DHX37: variants seen among roughly 807,000 people sequenced by gnomAD.
The protein encoded by DHX37 is probable ATP-dependent RNA helicase DHX37.
Under a neutral mutation model 134.3 loss-of-function variants are expected in DHX37, and 52 were observed. The observed-to-expected ratio is 0.39, with a 90% CI of 0.31 to 0.49. The LOEUF is 0.49. Ranked by LOEUF, DHX37 falls within the 20% of genes least tolerant of loss-of-function variation. The pLI, the probability that DHX37 is intolerant of heterozygous loss-of-function variation, is 0.93. For missense variants in DHX37, 1,344 were observed against 1,580.8 expected, an observed-to-expected ratio of 0.85 and a Z score of 2.54; for synonymous variants, 634 against 670.7, an observed-to-expected ratio of 0.95 and a Z score of 0.85.
intron 9 of DHX37, 61 bp downstream of exon 9, chr12:124,968,806 C>A: frequency 6.2e-7 from 1 of 1,605,550 alleles, no homozygotes; most frequent in Non-Finnish European, 8.5e-7. Context: ...TCAGGGGGCT[C>A]CCGACACCAG....
In DHX37 at chr12:124,989,128, G is replaced by T. The variant is rs1286762731; in HGVS notation, c.-106C>A. 5 of 685,182 alleles carry T rather than the reference G, an allele frequency of 7.3e-6. No homozygotes were observed. The highest frequency in any genetic ancestry group is 1.2e-4 in the South Asian group (2 of 17,152). The allele number at this position is 685,182 out of a possible 1,614,324, so 42.4% of individuals were successfully genotyped here. A position where few individuals can be genotyped will look rare whatever the true frequency, so the allele number is the denominator to read the frequency against. Reference sequence around the variant, plus strand: ...ACCAACTCCGGCCGTGAGACTTCCGGGTTGTGTTATCGCGAGAACTGTAAC... The same window carrying T: ...ACCAACTCCGGCCGTGAGACTTCCGTGTTGTGTTATCGCGAGAACTGTAAC... On this transcript the variant is annotated 5_prime_UTR_variant, in exon 1 of 27. Coordinates refer to ENST00000308736, the MANE Select transcript of DHX37 (RefSeq NM_032656.4).
At position 124,980,739 on chromosome 12, in the gene DHX37, C is replaced by CTCT. The variant is rs1954742905; in HGVS notation, c.488_489insAGA (p.Glu168dup). The CTCT allele has an allele frequency of 6.4e-7, 1 of 1,558,082 alleles. No homozygotes were observed. ...CCGATTCCGACTCCTCCTCCTCCTC[C>CTCT]TCCTCCTCCTCAGCTGAGGGCCAGC... On this transcript the variant is annotated inframe_insertion, in exon 4 of 27. Transcript: ENST00000308736. The surrounding 1 kb of genome is among the most constrained non-coding windows in gnomAD (Gnocchi z 5.3).
chr12:124,962,105 G>A (rs766886204), intron 15 of DHX37, among the ~76,000 whole-genome samples: 1 of 152,228 alleles, frequency 6.6e-6, no homozygotes, highest in Non-Finnish European at 1.5e-5. Context: ...CTACTTGGGA[G>A]GCTGAGGCAC....
chr12:124,959,448 C>T (rs893132884), intron 16 of DHX37, among the ~76,000 whole-genome samples: 24 of 151,888 alleles, frequency 1.6e-4, no homozygotes, highest in Non-Finnish European at 2.5e-4. Context: ...GTCTCAAATT[C>T]CTGACCTCAA....
Position 124,950,443 on chromosome 12 carries a change from G to A in DHX37, c.3091C>T (p.Arg1031Trp), listed in dbSNP as rs376946837. Residue 1031 changes from arginine (R) to tryptophan (W), a missense_variant, in exon 23 of 27, where the codon CGG (arginine) becomes TGG (tryptophan). By Grantham distance (101) the Arg-to-Trp change is moderately radical. Coordinates refer to ENST00000308736, the MANE Select transcript of DHX37 (RefSeq NM_032656.4). ...PAPTYCPERG[R>W]VLCHRASVFY... is the part of the protein sequence containing the mutation. ...ACGCTGGCCCGGTGACACAGCACCC[G>A]CCCCCGCTCGGGGCAGTATGTAGGG... 1.2e-5 allele frequency: 19 copies of A among 1,592,318 alleles called. No individual in the cohort carries two copies. Among genetic ancestry groups the A allele is most frequent in the African/African-American group, 2.7e-5 (2 of 74,444 alleles).
chr12:124,963,606 A>C (rs1342268509), intron 15 of DHX37, among the ~76,000 whole-genome samples: 1 of 151,950 alleles, frequency 6.6e-6, no homozygotes, highest in African/African-American at 2.4e-5. Context: ...ACGGTGGCTC[A>C]CGCCTGTGAT....
At chr12:124,988,798 C>T in intron 1 of DHX37, 119 bp downstream of exon 1, 1 of 495,450 alleles carries the variant, frequency 2.0e-6, no homozygotes, top group East Asian at 3.4e-5. Flanking sequence ...GGGACCCATT[C>T]CCCCATTCCA....
At position 124,956,776 on chromosome 12, in the gene DHX37, G is replaced by A. The variant is rs979891338; in HGVS notation, c.2368C>T (p.Leu790=). The A allele has an allele frequency of 3.1e-6, 5 of 1,611,852 alleles. No homozygotes were observed. The highest frequency in any genetic ancestry group is 3.4e-6 in the Non-Finnish European group (4 of 1,178,340). The part of the protein sequence containing the change: ...VAPRYAKMLA[L]SRQHGCLPYA... ...GGCAGGCAGCCGTGTTGTCGGCTCA[G>A]TGCCAGCATCTTAGCGTAGCGGGGT... The change falls in exon 18 of 27, where the codon CTG becomes TTG. Residue 790 remains leucine, a synonymous_variant. Transcript: ENST00000308736.
chr12:124,983,216 C>T (rs930505672), intron 2 of DHX37, among the ~76,000 whole-genome samples: 4 of 152,126 alleles, frequency 2.6e-5, no homozygotes, highest in Non-Finnish European at 5.9e-5. Flanking sequence ...TCACGCCATT[C>T]TCCTGCCTCA....
At chr12:124,952,339 C>A (rs1283574869) in intron 21 of DHX37, 59 bp downstream of exon 21, 8 of 1,508,588 alleles carry the variant, frequency 5.3e-6, no homozygotes, top group African/African-American at 1.4e-5. Flanking sequence ...GGGCCCAGCC[C>A]GCCTGCCCCT....
chr12:124,964,620 T>C lies in DHX37; in HGVS notation c.1819A>G (p.Lys607Glu), dbSNP rs1954340236. 6 of 1,607,092 alleles carry C rather than the reference T, an allele frequency of 3.7e-6. No individual in the cohort carries two copies. The highest frequency in any genetic ancestry group is 1.7e-4 in the Middle Eastern group (1 of 6,044). The change falls in exon 15 of 27, where the codon AAG becomes GAG. Residue 607 changes from lysine to glutamate, a missense_variant. Physicochemically the swap from Lys to Glu is moderately conservative, Grantham distance 56 (BLOSUM62 1). Coordinates refer to ENST00000308736, the MANE Select transcript of DHX37 (RefSeq NM_032656.4). Reference protein sequence around the residue: ...LAPEKQAQVFKPPPEGTRLCV... With the variant: ...LAPEKQAQVFEPPPEGTRLCV... ...AACCGAGTCCCCTCCGGTGGAGGCTTAAAGACCTAGGATTCGGGGAAGGGA... is the reference window on the plus strand; with the variant it reads ...AACCGAGTCCCCTCCGGTGGAGGCTCAAAGACCTAGGATTCGGGGAAGGGA...
rs141343765 is a variant in DHX37 at position 124,983,418 on chromosome 12, T to TACACACACACACACAC, written c.277-811_277-796dup. 3.9e-3 allele frequency among the ~76,000 whole-genome samples: 581 copies of TACACACACACACACAC among 148,218 alleles called. 6 individuals carry two copies. The highest frequency in any genetic ancestry group is 0.021 in the South Asian group (95 of 4,604). ...AGCCTACACACTTCTATGTGTGTAT[T>TACACACACACACACAC]ACACACACACACACACACACACACA... On this transcript the variant is annotated intron_variant, in intron 2 of 26. Transcript: ENST00000308736.
intron 15 of DHX37, among the ~76,000 whole-genome samples, chr12:124,961,216 ACGCACACGCACG>A (rs1226946778): frequency 1.7e-4 from 12 of 71,366 alleles, no homozygotes; most frequent in Admixed American, 8.2e-4. Flanking sequence ...GTGTGCACGC[ACGCACACGCACG>A]CACACACACA....
chr12:124,973,895 G>A (rs1451780636), intron 6 of DHX37, among the ~76,000 whole-genome samples: 6 of 151,812 alleles, frequency 4.0e-5, no homozygotes, highest in South Asian at 2.1e-4. Flanking sequence ...CACCTGCCTC[G>A]GCCTCCCAAA....
At chr12:124,953,587 G>A (rs781000752) in intron 20 of DHX37, 111 of 418,470 alleles carry the variant, frequency 2.7e-4, no homozygotes, top group Admixed American at 8.7e-4. Context: ...AGGGGTCCAG[G>A]CCACAGCGGT....
At chr12:124,975,203 G>A (rs895483919) in intron 6 of DHX37, among the ~76,000 whole-genome samples, 4 of 152,092 alleles carry the variant, frequency 2.6e-5, no homozygotes, top group African/African-American at 9.7e-5. Flanking sequence ...CTGTCCCCTC[G>A]GCACACTGTG....
chr12:124,961,276 ACG>A (rs1334615978), intron 15 of DHX37, among the ~76,000 whole-genome samples: 5 of 106,530 alleles, frequency 4.7e-5, no homozygotes, highest in East Asian at 2.8e-4. Flanking sequence ...ACACGCGTGC[ACG>A]CACACACACT....
chr12:124,971,525 T>C, intron 7 of DHX37, 110 bp from the exon 8 acceptor site: 1 of 1,488,964 alleles, frequency 6.7e-7, no homozygotes, highest in Non-Finnish European at 9.1e-7. Flanking sequence ...GGGCAGCTGC[T>C]CTTCATCAGA....
intron 6 of DHX37, 69 bp from the exon 7 acceptor site, chr12:124,972,668 A>C: frequency 2.0e-6 from 3 of 1,510,578 alleles, no homozygotes; most frequent in Non-Finnish European, 2.8e-6. Context: ...GGGCCACTAC[A>C]AGGCAGGCCG....
Sources: gnomAD v4.1 joint callset for allele counts (sites outside exome capture counted in the v4.1 genomes callset) on GRCh38, gnomAD v4.1.1 for gene constraint, Gnocchi (gnomAD v3.1) non-coding constraint, MANE v1.5 for transcripts, NCBI Gene and HGNC (gene_info 2026-07-23, HGNC 2026-07-21) for gene names.